ANKRD60: variants seen among roughly 807,000 people sequenced by gnomAD.
ANKRD60 encodes ankyrin repeat domain 60.
ANKRD60 carries 24 observed loss-of-function variants against 21.3 expected under a neutral mutation model. The ratio of observed to expected loss-of-function variants is 1.13; its 90% CI spans 0.82 to 1.59. ANKRD60 has a LOEUF of 1.59. Among genes scored for constraint, ANKRD60 ranks in the 40% most tolerant of loss-of-function variants. The pLI, the probability that ANKRD60 is intolerant of heterozygous loss-of-function variation, is 0.00. For synonymous variants in ANKRD60, 182 were observed against 199.4 expected, an observed-to-expected ratio of 0.91 and a Z score of 0.74; for missense variants, 490 against 466.7, an observed-to-expected ratio of 1.05 and a Z score of -0.46.
At chr20:58,220,805 T>A (rs933401319) in intron 3 of ANKRD60, among the ~76,000 whole-genome samples, 1 of 151,958 alleles carries the variant, frequency 6.6e-6, no homozygotes, top group Admixed American at 6.6e-5. Context: ...ATTTTTGTAT[T>A]TTTAGTAGAG....
chr20:58,216,482 C>T (rs1428849150), downstream of ANKRD60, among the ~76,000 whole-genome samples: 1 of 152,216 alleles, frequency 6.6e-6, no homozygotes, highest in Non-Finnish European at 1.5e-5. Flanking sequence ...TGCATCACCC[C>T]CCTAACACTT....
chr20:58,226,734 G>A (rs1418124280), intron 1 of ANKRD60, among the ~76,000 whole-genome samples: 1 of 152,092 alleles, frequency 6.6e-6, no homozygotes, highest in Non-Finnish European at 1.5e-5. Context: ...CCCTTATGAA[G>A]ATACTTTGAG....
In ANKRD60 at chr20:58,228,613, GCCGCCGC is replaced by G. The variant is rs1009963882; in HGVS notation, c.34_40del (p.Ala12ArgfsTer103). The G allele has an allele frequency of 5.3e-5, 49 of 925,210 alleles. No individual in the cohort carries two copies. Among genetic ancestry groups the G allele is most frequent in the Non-Finnish European group, 6.3e-5 (49 of 782,288 alleles). The allele number at this position is 925,210 out of a possible 1,614,324, so 57.3% of individuals were successfully genotyped here. On this transcript the variant is annotated frameshift_variant, in exon 1 of 4. Transcript: ENST00000457363. LOFTEE classifies it high-confidence loss of function. This position sits in a 1 kb window ranked among gnomAD's most constrained non-coding sequence, Gnocchi z 5.3. ...CGCCGCCCGCGCTCCGCCCGCCCCC[GCCGCCGC>G]CCGCCGCATCCCCCAGGCGCGGCCG...
At chr20:58,218,485 C>A, downstream of ANKRD60, 2 of 1,543,516 alleles carry the variant, frequency 1.3e-6, no homozygotes, top group Non-Finnish European at 1.8e-6. Flanking sequence ...GCAAACGTTC[C>A]CACCAGGAGC....
rs988275197 is a variant in ANKRD60, at chr20:58,223,190, G to A, written c.431-8C>T. The A allele has an allele frequency of 9.8e-6, 15 of 1,529,670 alleles. No individual in the cohort carries two copies. Among genetic ancestry groups the A allele is most frequent in the Non-Finnish European group, 1.2e-5 (14 of 1,139,020 alleles). The allele number at this position is 1,529,670 out of a possible 1,614,324, so 94.8% of individuals were successfully genotyped here. A position where few individuals can be genotyped will look rare whatever the true frequency, so the allele number is the denominator to read the frequency against. ...TGTCATCCATCAAAACTCCTGCAGG[G>A]AAAAATTTTTTTTCTTTTAAAAAAT... On this transcript the variant is annotated splice_region_variant and splice_polypyrimidine_tract_variant and intron_variant, in intron 1 of 3. Transcript: ENST00000457363.
At chr20:58,225,209 C>T (rs144901339) in intron 1 of ANKRD60, among the ~76,000 whole-genome samples, 104 of 152,296 alleles carry the variant, frequency 6.8e-4, no homozygotes, top group African/African-American at 2.3e-3. Context: ...CCCTCTCTCG[C>T]GCTCCCTCTT....
chr20:58,217,288 G>A (rs573542715), downstream of ANKRD60, among the ~76,000 whole-genome samples: 1 of 152,204 alleles, frequency 6.6e-6, no homozygotes, highest in African/African-American at 2.4e-5. Flanking sequence ...AATTAGCCAG[G>A]CATGGTGGCA....
chr20:58,218,784 G>A, exon 4 of ANKRD60: 1 of 1,541,684 alleles, frequency 6.5e-7, no homozygotes. Context: ...GCCCAGGGGG[G>A]ATCTGCTGAG....
intron 1 of ANKRD60, among the ~76,000 whole-genome samples, chr20:58,225,570 G>A (rs1984347462): frequency 6.6e-6 from 1 of 152,144 alleles, no homozygotes; most frequent in African/African-American, 2.4e-5. Flanking sequence ...TGTCCAGAGG[G>A]GGAAACGGCT....
intron 1 of ANKRD60, among the ~76,000 whole-genome samples, chr20:58,225,506 A>C (rs73308814): frequency 0.013 from 1,981 of 152,318 alleles, 35 homozygotes; most frequent in African/African-American, 0.045. Context: ...TTAAAGAGAG[A>C]AAAGGAAGGT....
rs1388708958 is a variant in ANKRD60, at chr20:58,220,915, G to C, written c.727+423C>G. On this transcript the variant is annotated intron_variant, in intron 3 of 3. Transcript: ENST00000457363. ...TCCAAAGTGCTGAGATTACAGGCAT[G>C]AGCCACCGTGCCTGGCCAGAGGCTA... Among the ~76,000 whole-genome samples, 8 of 152,240 alleles carry C rather than the reference G, an allele frequency of 5.3e-5. 1 individual carries two copies. In the East Asian group the frequency reaches 1.2e-3, roughly 22 times the overall value.
At chr20:58,224,102 CAA>C (rs202188392) in intron 1 of ANKRD60, among the ~76,000 whole-genome samples, 7 of 130,702 alleles carry the variant, frequency 5.4e-5, no homozygotes, top group African/African-American at 5.6e-5. Context: ...ACCCTGTCTC[CAA>C]AAAAAAAAAA....
Position 58,228,199 on chromosome 20 carries a change from G to A in ANKRD60, c.430+25C>T. ...GACAGGGTGCCCTTGCATGTGGCCA[G>A]GGAAGGAGTCAGGGCAGGAGCCACC... On this transcript the variant is annotated intron_variant, in intron 1 of 3. Coordinates refer to ENST00000457363, the Ensembl canonical transcript of ANKRD60. The surrounding 1 kb of genome is among the most constrained non-coding windows in gnomAD (Gnocchi z 5.3). 6.5e-7 allele frequency: 1 copy of A among 1,530,644 alleles called. No homozygotes were observed. The highest frequency in any genetic ancestry group is 8.8e-7 in the Non-Finnish European group (1 of 1,134,144). 94.8% of individuals were successfully genotyped at this position (1,530,644 alleles called of 1,614,324 possible). A position where few individuals can be genotyped will look rare whatever the true frequency, so the allele number is the denominator to read the frequency against.
rs1341831274 is a variant in ANKRD60, at chr20:58,218,653, G to A, written c.880C>T (p.His294Tyr). Residue 294 changes from histidine (H) to tyrosine (Y), a missense_variant, in exon 4 of 4, where the codon CAC becomes TAC. Coordinates refer to ENST00000457363, the Ensembl canonical transcript of ANKRD60. The stretch of plus-strand genomic sequence containing the variant: ...TCGCTCAGTGTGTGGTTCAGGCGGT[G>A]TGCAATGGAGATGGGGGTCTCCCCC... 10 of 1,551,648 alleles carry A rather than the reference G, an allele frequency of 6.4e-6. No individual in the cohort carries two copies. The South Asian group carries it at 9.5e-5, about 15-fold the overall frequency.
At position 58,228,358 on chromosome 20, in the gene ANKRD60, C is replaced by T. The variant is rs896740287; in HGVS notation, c.296G>A (p.Arg99Gln). The T allele has an allele frequency of 1.7e-5, 26 of 1,550,432 alleles. No homozygotes were observed. The highest frequency in any genetic ancestry group is 7.8e-5 in the Admixed American group (4 of 50,974). Reference sequence around the variant, plus strand: ...GAACATCTCCCCCGTCTCCTCCAGCCGCACCCGCAGGACGAAGACGTCAGG... The same window carrying T: ...GAACATCTCCCCCGTCTCCTCCAGCTGCACCCGCAGGACGAAGACGTCAGG... Residue 99 changes from arginine to glutamine, a missense_variant, in exon 1 of 4, where the codon CGG (arginine) becomes CAG (glutamine). Arg to Gln is a conservative substitution (Grantham distance 43). Transcript: ENST00000457363. This position sits in a 1 kb window ranked among gnomAD's most constrained non-coding sequence, Gnocchi z 5.3.
At position 58,228,334 on chromosome 20, in the gene ANKRD60, A is replaced by T; in HGVS notation, c.320T>A (p.Phe107Tyr). The change falls in exon 1 of 4, where the codon TTC (phenylalanine) becomes TAC (tyrosine). Residue 107 changes from phenylalanine to tyrosine, a missense_variant. Transcript: ENST00000457363. This position sits in a 1 kb window ranked among gnomAD's most constrained non-coding sequence, Gnocchi z 5.3. ...GTCGCCGCGGCAGTTTGCCACTCGGAACATCTCCCCCGTCTCCTCCAGCCG... is the reference window on the plus strand; with the variant it reads ...GTCGCCGCGGCAGTTTGCCACTCGGTACATCTCCCCCGTCTCCTCCAGCCG... The T allele has an allele frequency of 1.3e-6, 2 of 1,549,730 alleles. No individual in the cohort carries two copies. Among genetic ancestry groups the T allele is most frequent in the Non-Finnish European group, 1.7e-6 (2 of 1,145,750 alleles).
downstream of ANKRD60, chr20:58,218,492 G>C: frequency 1.9e-6 from 3 of 1,546,870 alleles, no homozygotes; most frequent in Non-Finnish European, 1.7e-6. Context: ...TTCCCACCAG[G>C]AGCTAATGAG....
chr20:58,220,282 G>A (rs962432988), intron 3 of ANKRD60, among the ~76,000 whole-genome samples: 6 of 152,166 alleles, frequency 3.9e-5, no homozygotes, highest in African/African-American at 1.4e-4. Context: ...GTTCTCCATT[G>A]TTCTTGAGGG....
chr20:58,228,315 G>C lies in ANKRD60; in HGVS notation c.339C>G (p.Arg113=). The stretch of plus-strand genomic sequence containing the variant: ...TGAGCTCCCGCACGGTCATGTCGCC[G>C]CGGCAGTTTGCCACTCGGAACATCT... The change falls in exon 1 of 4, where the codon CGC becomes CGG. Residue 113 remains arginine (R), a synonymous_variant. Transcript: ENST00000457363. This position sits in a 1 kb window ranked among gnomAD's most constrained non-coding sequence, Gnocchi z 5.3. 1 of 1,551,268 alleles carries C rather than the reference G, an allele frequency of 6.4e-7. No individual in the cohort carries two copies. The highest frequency in any genetic ancestry group is 8.7e-7 in the Non-Finnish European group (1 of 1,146,936).
Sources: allele counts gnomAD v4.1 joint callset (sites outside exome capture counted in the v4.1 genomes callset), GRCh38; gene constraint gnomAD v4.1.1; non-coding constraint Gnocchi (gnomAD v3.1); transcripts MANE v1.5; gene names NCBI Gene and HGNC (gene_info 2026-07-23, HGNC 2026-07-21).